Variants in CLVS1 observed in about 807,000 individuals in gnomAD.
The protein encoded by CLVS1 is clavesin 1.
Under a neutral mutation model 33.1 loss-of-function variants are expected in CLVS1, and 10 were observed. The observed-to-expected ratio is 0.30, with a 90% CI of 0.19 to 0.51. The LOEUF (loss-of-function observed/expected upper bound fraction) is 0.51, where lower values mean the gene tolerates loss of function less well. Ranked by LOEUF, CLVS1 falls within the 20% of genes least tolerant of loss-of-function variation. CLVS1 has a pLI of 0.97. For synonymous variants in CLVS1, 163 were observed against 166.1 expected, an observed-to-expected ratio of 0.98 and a Z score of 0.14; for missense variants, 343 against 433.4, an observed-to-expected ratio of 0.79 and a Z score of 1.85.
chr8:61,308,291 C>G (rs922301558), intron 2 of CLVS1, among the ~76,000 whole-genome samples: 3 of 152,154 alleles, frequency 2.0e-5, no homozygotes, highest in Non-Finnish European at 4.4e-5. Flanking sequence ...AGCAATATGA[C>G]TCATCAATGG....
chr8:61,462,305 T>G (rs778978548), intron 5 of CLVS1, among the ~76,000 whole-genome samples: 1 of 152,360 alleles, frequency 6.6e-6, no homozygotes, highest in Non-Finnish European at 1.5e-5. Context: ...TTCAATTTAC[T>G]TTGTCCAGAT....
chr8:61,236,443 A>G (rs1808561406), intron 2 of CLVS1, among the ~76,000 whole-genome samples: 1 of 152,142 alleles, frequency 6.6e-6, no homozygotes, highest in Non-Finnish European at 1.5e-5. Flanking sequence ...TCCTTCCAAG[A>G]TGAAGCCTGC....
chr8:61,197,121 T>C (rs1807631700), intron 2 of CLVS1, among the ~76,000 whole-genome samples: 2 of 152,206 alleles, frequency 1.3e-5, no homozygotes, highest in South Asian at 4.1e-4. Flanking sequence ...CTCCTATGCA[T>C]CAAGAATGGT....
chr8:61,009,263 G>A, the CLVS1 span, among the ~76,000 whole-genome samples: 7 of 151,568 alleles, frequency 4.6e-5, no homozygotes, highest in Non-Finnish European at 7.4e-5. Context: ...ATTCTCCCAC[G>A]TAGCCTCCTG....
chr8:61,468,931 C>T (rs1218807852), intron 5 of CLVS1, among the ~76,000 whole-genome samples: 6 of 152,108 alleles, frequency 3.9e-5, no homozygotes, highest in Non-Finnish European at 8.8e-5. Flanking sequence ...CTGAATGGAG[C>T]GATACCACAC....
At chr8:61,139,608 G>A (rs1203591928) in intron 2 of CLVS1, among the ~76,000 whole-genome samples, 2 of 151,832 alleles carry the variant, frequency 1.3e-5, no homozygotes, top group South Asian at 2.1e-4. Flanking sequence ...GGGCGCAGGC[G>A]TATTTCCAGC....
chr8:61,189,768 G>C (rs1807428424), intron 2 of CLVS1, among the ~76,000 whole-genome samples: 1 of 152,142 alleles, frequency 6.6e-6, no homozygotes, highest in Admixed American at 6.6e-5. Flanking sequence ...GATCAAAAGA[G>C]ACAAAGAAGT....
chr8:60,984,964 C>T, the CLVS1 span, among the ~76,000 whole-genome samples: 8 of 152,262 alleles, frequency 5.3e-5, no homozygotes, highest in African/African-American at 1.9e-4. Flanking sequence ...TGTAAGTGTT[C>T]TGTAAGCCTC....
At chr8:61,048,820 T>C in the CLVS1 span, among the ~76,000 whole-genome samples, 1 of 152,058 alleles carries the variant, frequency 6.6e-6, no homozygotes, top group Non-Finnish European at 1.5e-5. Flanking sequence ...CCTGCCATCC[T>C]TCCCTCTTCC....
At chr8:61,463,190 T>G (rs1331613208) in intron 5 of CLVS1, among the ~76,000 whole-genome samples, 1 of 152,204 alleles carries the variant, frequency 6.6e-6, no homozygotes, top group Non-Finnish European at 1.5e-5. Context: ...CTTCCTCACC[T>G]CTCTCAACCT....
chr8:61,002,814 A>G, the CLVS1 span, among the ~76,000 whole-genome samples: 156 of 152,340 alleles, frequency 1.0e-3, no homozygotes, highest in African/African-American at 3.5e-3. Flanking sequence ...GTTCTTCTCT[A>G]TTAAGTTTTC....
At chr8:61,246,059 A>G (rs1808800623) in intron 2 of CLVS1, among the ~76,000 whole-genome samples, 1 of 151,296 alleles carries the variant, frequency 6.6e-6, no homozygotes, top group East Asian at 1.9e-4. Context: ...GGTGTGAGCT[A>G]CTGCACCCAG....
chr8:61,153,440 G>T (rs1806583258), intron 2 of CLVS1, among the ~76,000 whole-genome samples: 1 of 152,248 alleles, frequency 6.6e-6, no homozygotes, highest in Non-Finnish European at 1.5e-5. Flanking sequence ...TTAGAAGAAA[G>T]AAATGGCTCT....
chr8:61,178,338 G>T (rs1379809639), intron 2 of CLVS1, among the ~76,000 whole-genome samples: 3 of 151,998 alleles, frequency 2.0e-5, no homozygotes, highest in Non-Finnish European at 4.4e-5. Flanking sequence ...CAAGAAATTT[G>T]GGGCTATGTA....
chr8:61,355,660 A>T (rs12679865), intron 2 of CLVS1, among the ~76,000 whole-genome samples: 16 of 151,804 alleles, frequency 1.1e-4, no homozygotes, highest in Non-Finnish European at 2.4e-4. Context: ...TGAGAATATG[A>T]GGTGTTTGCT....
chr8:61,287,501 C>T (rs747281577), upstream of CLVS1, among the ~76,000 whole-genome samples: 1 of 152,046 alleles, frequency 6.6e-6, no homozygotes, highest in Non-Finnish European at 1.5e-5. Flanking sequence ...TTTATGTCTT[C>T]TATTCCTCTT....
At chr8:61,322,745 G>T (rs1811242095) in intron 2 of CLVS1, among the ~76,000 whole-genome samples, 1 of 152,104 alleles carries the variant, frequency 6.6e-6, no homozygotes. Context: ...CTTTTTGGAA[G>T]CAGTACTCTT....
At chr8:61,438,789 G>T (rs917405858) in intron 3 of CLVS1, among the ~76,000 whole-genome samples, 1 of 152,120 alleles carries the variant, frequency 6.6e-6, no homozygotes, top group East Asian at 1.9e-4. Flanking sequence ...TTCCTCGCCT[G>T]TAAAATGGGA....
At chr8:61,487,483 C>T (rs1051011828) in intron 5 of CLVS1, among the ~76,000 whole-genome samples, 1 of 152,196 alleles carries the variant, frequency 6.6e-6, no homozygotes, top group African/African-American at 2.4e-5. Context: ...TCTCCTACAT[C>T]GTGTTCTCAC....
Sources: gnomAD v4.1 joint callset for allele counts (sites outside exome capture counted in the v4.1 genomes callset) on GRCh38, gnomAD v4.1.1 for gene constraint, MANE v1.5 for transcripts, NCBI Gene and HGNC (gene_info 2026-07-23, HGNC 2026-07-21) for gene names.